OMA1: variants seen among roughly 807,000 people sequenced by gnomAD.
OMA1 encodes the protein metalloendopeptidase OMA1, mitochondrial.
OMA1 carries 38 observed loss-of-function variants against 30.9 expected under a neutral mutation model. The observed-to-expected ratio is 1.23, with a 90% CI of 0.95 to 1.61. The LOEUF (loss-of-function observed/expected upper bound fraction) is 1.61, where lower values mean the gene tolerates loss of function less well. OMA1 is among the 40% of genes most tolerant of loss of function. The pLI is 0.00. For synonymous variants in OMA1, 173 were observed against 121.9 expected (o/e 1.42, Z -2.76); for missense variants, 461 against 349.2 (o/e 1.32, Z -2.55).
chr1:58,544,255 TG>T (rs1239453364), intron 1 of OMA1, among the ~76,000 whole-genome samples: 2 of 152,202 alleles, frequency 1.3e-5, no homozygotes, highest in African/African-American at 4.8e-5. Context: ...ACCTCTGAAC[TG>T]TATTATTATT....
chr1:58,489,842 G>C (rs1406806049), intron 8 of OMA1, among the ~76,000 whole-genome samples: 3 of 152,192 alleles, frequency 2.0e-5, no homozygotes, highest in African/African-American at 7.2e-5. Flanking sequence ...GGTCTGGAGT[G>C]GTCCTCCAGC....
rs779372357 is a variant in OMA1 at position 58,534,066 on chromosome 1, C to G, written c.904-6G>C. On this transcript the variant is annotated splice_region_variant and splice_polypyrimidine_tract_variant and intron_variant, in intron 4 of 8. Transcript: ENST00000371226. The stretch of plus-strand genomic sequence containing the variant: ...AAAACAAACATTTGTCCATTCTGCA[C>G]CACAAAGAAAATAATGTAAGCAATT... 1.2e-6 allele frequency: 1 copy of G among 869,360 alleles called. No individual in the cohort carries two copies. Among genetic ancestry groups the G allele is most frequent in the South Asian group, 1.3e-5 (1 of 75,274 alleles). 53.9% of individuals were successfully genotyped at this position (869,360 alleles called of 1,614,324 possible). A position where few individuals can be genotyped will look rare whatever the true frequency, so the allele number is the denominator to read the frequency against.
chr1:58,525,382 A>C (rs1241745028), intron 7 of OMA1, among the ~76,000 whole-genome samples: 1 of 152,164 alleles, frequency 6.6e-6, no homozygotes, highest in African/African-American at 2.4e-5. Flanking sequence ...TACAGATTGG[A>C]AAGGAAGAAA....
intron 3 of OMA1, among the ~76,000 whole-genome samples, chr1:58,536,308 G>T (rs1417429991): frequency 3.9e-5 from 6 of 152,118 alleles, no homozygotes; most frequent in African/African-American, 1.4e-4. Context: ...GTGCTGAGCA[G>T]GAGTTAGCTG....
intron 7 of OMA1, among the ~76,000 whole-genome samples, chr1:58,520,982 C>G (rs923939254): frequency 6.6e-6 from 1 of 152,106 alleles, no homozygotes; most frequent in African/African-American, 2.4e-5. Flanking sequence ...AGAACACCAC[C>G]CGCAATGGCA....
At chr1:58,541,408 A>G (rs1646612732) in intron 1 of OMA1, 1 of 149,748 alleles carries the variant, frequency 6.7e-6, no homozygotes, top group Admixed American at 6.7e-5. Flanking sequence ...AAACTAATCC[A>G]TAGTGACAGA....
At chr1:58,510,728 A>G (rs1196500223) in intron 7 of OMA1, among the ~76,000 whole-genome samples, 1 of 152,044 alleles carries the variant, frequency 6.6e-6, no homozygotes, top group East Asian at 1.9e-4. Flanking sequence ...TAAAGACTCC[A>G]CACACACAAA....
At chr1:58,516,790 T>C (rs867679716) in intron 7 of OMA1, among the ~76,000 whole-genome samples, 11 of 152,150 alleles carry the variant, frequency 7.2e-5, no homozygotes, top group Admixed American at 2.0e-4. Flanking sequence ...GCTCACAAGA[T>C]TGACATAAAA....
chr1:58,497,550 C>A (rs1050019258), intron 8 of OMA1, among the ~76,000 whole-genome samples: 1 of 152,088 alleles, frequency 6.6e-6, no homozygotes, highest in Non-Finnish European at 1.5e-5. Flanking sequence ...GCCTCTTTAG[C>A]ATAAGAGTTA....
At chr1:58,535,464 C>T (rs747912216) in intron 3 of OMA1, among the ~76,000 whole-genome samples, 7 of 151,916 alleles carry the variant, frequency 4.6e-5, no homozygotes, top group Admixed American at 1.3e-4. Flanking sequence ...GGCGTGGTGG[C>T]GCACGCCTGT....
At chr1:58,500,689 T>C (rs1175130097) in intron 8 of OMA1, among the ~76,000 whole-genome samples, 1 of 152,168 alleles carries the variant, frequency 6.6e-6, no homozygotes, top group Admixed American at 6.5e-5. Flanking sequence ...AACATAACCA[T>C]AAACAATGAG....
Position 58,543,690 on chromosome 1 carries a change from A to G in OMA1, c.-17+3013T>C, listed in dbSNP as rs147253775. ...TAATCATTTAAAAAATGACATGATG[A>G]TCTGTAAATCTTTAAAAGATTTAAA... is the stretch of plus-strand genomic sequence containing the variant. On this transcript the variant is annotated intron_variant, in intron 1 of 8. Transcript: ENST00000371226. Among the ~76,000 whole-genome samples, 992 of 152,352 alleles carry G rather than the reference A, an allele frequency of 6.5e-3. 16 individuals are homozygous for G. The highest frequency in any genetic ancestry group is 7.5e-3 in the Non-Finnish European group (510 of 68,034).
At position 58,492,009 on chromosome 1, in the gene OMA1, T is replaced by C. The variant is rs1480588227; in HGVS notation, c.1366-10835A>G. On this transcript the variant is annotated intron_variant, in intron 8 of 8. Coordinates refer to ENST00000371226, the MANE Select transcript of OMA1 (RefSeq NM_145243.5). Reference sequence around the variant, plus strand: ...ACCTATTCCAAAATTGACCACATAGTTGGAAGTAAAGCACTCCTCAGCAAA... The same window carrying C: ...ACCTATTCCAAAATTGACCACATAGCTGGAAGTAAAGCACTCCTCAGCAAA... Among the ~76,000 whole-genome samples the C allele has an allele frequency of 4.4e-4, 67 of 152,320 alleles. 2 individuals are homozygous for C. Among genetic ancestry groups the C allele is most frequent in the Non-Finnish European group, 1.2e-4 (8 of 68,036 alleles).
intron 6 of OMA1, among the ~76,000 whole-genome samples, chr1:58,530,329 C>G (rs1364084697): frequency 6.6e-6 from 1 of 152,140 alleles, no homozygotes; most frequent in Admixed American, 6.5e-5. Context: ...CTCTGTAAAA[C>G]CAATAAATAT....
intron 8 of OMA1, among the ~76,000 whole-genome samples, chr1:58,503,226 T>C (rs934661365): frequency 5.3e-5 from 8 of 152,134 alleles, no homozygotes; most frequent in Admixed American, 2.6e-4. Flanking sequence ...ATCATATTGT[T>C]ATCATTGCTT....
chr1:58,494,413 T>C (rs1167500481), intron 8 of OMA1, among the ~76,000 whole-genome samples: 51 of 150,748 alleles, frequency 3.4e-4, no homozygotes, highest in Admixed American at 1.3e-3. Context: ...CCAAAATTGA[T>C]AAATGGGATC....
chr1:58,511,490 T>C (rs1646075746), intron 7 of OMA1, among the ~76,000 whole-genome samples: 1 of 151,788 alleles, frequency 6.6e-6, no homozygotes, highest in Admixed American at 6.6e-5. Flanking sequence ...TACAAAAAAT[T>C]AGGCAGGTGT....
chr1:58,487,449 T>C (rs965701783), intron 8 of OMA1, among the ~76,000 whole-genome samples: 2 of 152,330 alleles, frequency 1.3e-5, no homozygotes, highest in Non-Finnish European at 1.5e-5. Flanking sequence ...TTTTATCAAA[T>C]TGTCAAAACA....
rs1405458678 is a variant in OMA1 at position 58,506,200 on chromosome 1, C to T, written c.1225G>A (p.Asp409Asn). The change falls in exon 8 of 9, where the codon GAC becomes AAC. Residue 409 changes from aspartate (D) to asparagine (N), a missense_variant. Asp to Asn is a conservative substitution (Grantham distance 23). Coordinates refer to ENST00000371226, the MANE Select transcript of OMA1 (RefSeq NM_145243.5). Reference protein sequence around the residue: ...GLLLAAKACADIRASSVFWQQ... With the variant: ...GLLLAAKACANIRASSVFWQQ... ...CAAAACACTGAACTGGCTCTTATGT[C>T]TGCACAAGCCTAAAACCAAAATTAG... 1.2e-6 allele frequency: 1 copy of T among 867,984 alleles called. No individual in the cohort carries two copies. Among genetic ancestry groups the T allele is most frequent in the Admixed American group, 1.7e-5 (1 of 59,100 alleles). 53.8% of individuals were successfully genotyped at this position (867,984 alleles called of 1,614,324 possible).
Sources: gnomAD v4.1 joint callset for allele counts (sites outside exome capture counted in the v4.1 genomes callset) on GRCh38, gnomAD v4.1.1 for gene constraint, MANE v1.5 for transcripts, NCBI Gene and HGNC (gene_info 2026-07-23, HGNC 2026-07-21) for gene names.